Variants in SLC43A3 observed in about 807,000 individuals in gnomAD.
The protein encoded by SLC43A3 is solute carrier family 43 member 3, also known as equilibrative nucleobase transporter 1.
In SLC43A3, 33 loss-of-function variants were observed where a neutral mutation model predicts 53.3. The ratio of observed to expected loss-of-function variants is 0.62; its 90% CI spans 0.47 to 0.83. The LOEUF (loss-of-function observed/expected upper bound fraction) is 0.83, where lower values mean the gene tolerates loss of function less well. Among genes scored for constraint, SLC43A3 ranks in the 40% least tolerant of loss-of-function variants. The pLI is 0.00. For missense variants in SLC43A3, 530 were observed against 610.0 expected (o/e 0.87, Z 1.38); for synonymous variants, 236 against 246.2 (o/e 0.96, Z 0.39).
chr11:57,419,705 A>C (rs1942896889), intron 7 of SLC43A3, among the ~76,000 whole-genome samples: 1 of 152,014 alleles, frequency 6.6e-6, no homozygotes, highest in South Asian at 2.1e-4. Flanking sequence ...CTGAGGCAGG[A>C]GAATTGCTTA....
At chr11:57,425,830 C>A in intron 3 of SLC43A3, 159 bp downstream of exon 3, 1 of 1,376,146 alleles carries the variant, frequency 7.3e-7, no homozygotes, top group Admixed American at 2.1e-5. Flanking sequence ...GAGCTGGTGC[C>A]TCCCTCCCAG....
chr11:57,410,442 C>G (rs1942398768), intron 11 of SLC43A3, among the ~76,000 whole-genome samples: 1 of 152,092 alleles, frequency 6.6e-6, no homozygotes, highest in African/African-American at 2.4e-5. Flanking sequence ...TGCCCCTCCC[C>G]ACCCTGAACA....
At chr11:57,414,819 T>A (rs528124504) in intron 10 of SLC43A3, 88 bp from the exon 11 acceptor site, 3 of 1,521,992 alleles carry the variant, frequency 2.0e-6, no homozygotes, top group Non-Finnish European at 2.7e-6. Flanking sequence ...CTTGTCTGCA[T>A]GTCCCTCCTC....
chr11:57,425,243 C>T (rs997128702), intron 4 of SLC43A3, among the ~76,000 whole-genome samples: 1 of 152,196 alleles, frequency 6.6e-6, no homozygotes, highest in Non-Finnish European at 1.5e-5. Flanking sequence ...GGCTCCAAGC[C>T]AGCCCTTACA....
At chr11:57,411,337 AC>A (rs1250047463) in intron 11 of SLC43A3, among the ~76,000 whole-genome samples, 4 of 152,038 alleles carry the variant, frequency 2.6e-5, no homozygotes, top group African/African-American at 9.7e-5. Context: ...CAAATTAGTG[AC>A]CCTTAAAATC....
intron 7 of SLC43A3, 57 bp from the exon 8 acceptor site, chr11:57,417,944 C>G: frequency 6.4e-7 from 1 of 1,554,636 alleles, no homozygotes; most frequent in East Asian, 2.3e-5. Context: ...CAGCACTATT[C>G]ACAATAGCCA....
At chr11:57,421,855 CTGAG>C (rs1426195767) in intron 5 of SLC43A3, among the ~76,000 whole-genome samples, 1 of 152,228 alleles carries the variant, frequency 6.6e-6, no homozygotes, top group Non-Finnish European at 1.5e-5. Flanking sequence ...GCTATGAGAA[CTGAG>C]TGAGAAAAGG....
At chr11:57,409,714 GA>G (rs1207632650) in intron 12 of SLC43A3, among the ~76,000 whole-genome samples, 6 of 152,246 alleles carry the variant, frequency 3.9e-5, no homozygotes, top group African/African-American at 1.4e-4. Flanking sequence ...TCACCAGGTA[GA>G]AAACAGAGGG....
At chr11:57,419,175 T>C (rs1297533581) in intron 7 of SLC43A3, among the ~76,000 whole-genome samples, 1 of 151,856 alleles carries the variant, frequency 6.6e-6, no homozygotes, top group Non-Finnish European at 1.5e-5. Context: ...GTGCCTTTTT[T>C]CCCCCAACGA....
At position 57,407,665 on chromosome 11, in the gene SLC43A3, TTGTGTG is replaced by T. The variant is rs3832767; in HGVS notation, c.*121_*126del. ...GCAGACGTCCTTGTGTGTCTTTATT[TTGTGTG>T]TGTGTGTGTGTGTGTGTGTGTTTTG... On this transcript the variant is annotated 3_prime_UTR_variant, in exon 14 of 14. Transcript: ENST00000395124. 5.4e-4 allele frequency: 308 copies of T among 566,104 alleles called. No homozygotes were observed. Among genetic ancestry groups the T allele is most frequent in the African/African-American group, 1.1e-3 (59 of 52,672 alleles). The allele number at this position is 566,104 out of a possible 1,614,324, so 35.1% of individuals were successfully genotyped here. A position where few individuals can be genotyped will look rare whatever the true frequency, so the allele number is the denominator to read the frequency against.
chr11:57,422,489 C>T (rs1943032880), intron 5 of SLC43A3, among the ~76,000 whole-genome samples: 2 of 152,176 alleles, frequency 1.3e-5, no homozygotes, highest in South Asian at 4.1e-4. Flanking sequence ...ACGTAGTATG[C>T]GTGTGCCCCT....
chr11:57,419,503 G>C (rs1409196331), intron 7 of SLC43A3, among the ~76,000 whole-genome samples: 1 of 152,080 alleles, frequency 6.6e-6, no homozygotes, highest in East Asian at 1.9e-4. Context: ...CAACTCTAGA[G>C]AGACAGGAGA....
At position 57,415,017 on chromosome 11, in the gene SLC43A3, A is replaced by C. The variant is rs750684660; in HGVS notation, c.859T>G (p.Ser287Ala). ...AGGTAGTGCCACAACTGTATCACAG[A>C]CAGCCACACCAGGTGCCAGGCAAAG... ...RRFAWHLVWL[S>A]VIQLWHYLFI... Residue 287 changes from serine to alanine, a missense_variant, in exon 10 of 14, where the codon TCT becomes GCT. By Grantham distance (99) the Ser-to-Ala change is moderately conservative. Coordinates refer to ENST00000395124, the MANE Select transcript of SLC43A3 (RefSeq NM_199329.3). 6.2e-7 allele frequency: 1 copy of C among 1,614,206 alleles called. No homozygotes were observed. The highest frequency in any genetic ancestry group is 1.1e-5 in the South Asian group (1 of 91,082).
At chr11:57,410,198 G>C in intron 11 of SLC43A3, 77 bp from the exon 12 acceptor site, 4 of 1,204,664 alleles carry the variant, frequency 3.3e-6, no homozygotes, top group Non-Finnish European at 4.5e-6. Flanking sequence ...AGGAAGATTG[G>C]AAAAAGGGGA....
In SLC43A3 at chr11:57,426,256, T is replaced by C. The variant is rs1178690513; in HGVS notation, c.-84A>G. 1.5e-6 allele frequency: 2 copies of C among 1,378,858 alleles called. No individual in the cohort carries two copies. The highest frequency in any genetic ancestry group is 2.0e-6 in the Non-Finnish European group (2 of 1,001,914). 85.4% of individuals were successfully genotyped at this position (1,378,858 alleles called of 1,614,324 possible). A position where few individuals can be genotyped will look rare whatever the true frequency, so the allele number is the denominator to read the frequency against. Reference sequence around the variant, plus strand: ...GCCGTAAGCCTGGCGTTTGAGCACTTGGAAAATTCCTCTGGCAAGCCAAGC... The same window carrying C: ...GCCGTAAGCCTGGCGTTTGAGCACTCGGAAAATTCCTCTGGCAAGCCAAGC... On this transcript the variant is annotated 5_prime_UTR_variant, in exon 3 of 14. Transcript: ENST00000395124.
chr11:57,424,091 A>G, intron 4 of SLC43A3, 63 bp from the exon 5 acceptor site: 1 of 1,520,860 alleles, frequency 6.6e-7, no homozygotes, highest in East Asian at 2.3e-5. Context: ...GAGAAAAAAC[A>G]TGATTCTGCT....
At chr11:57,424,916 C>T (rs1422534439) in intron 4 of SLC43A3, among the ~76,000 whole-genome samples, 1 of 152,204 alleles carries the variant, frequency 6.6e-6, no homozygotes, top group Non-Finnish European at 1.5e-5. Context: ...CCACAGAGCA[C>T]GAGATTAGGA....
intron 9 of SLC43A3, 133 bp downstream of exon 9, chr11:57,416,440 T>C (rs1005622762): frequency 1.4e-5 from 9 of 655,184 alleles, no homozygotes; most frequent in Admixed American, 2.6e-5. Flanking sequence ...GTTGGGAAGA[T>C]GCCTAAGGCC....
intron 11 of SLC43A3, among the ~76,000 whole-genome samples, chr11:57,410,981 G>C (rs896442035): frequency 6.6e-6 from 1 of 152,258 alleles, no homozygotes; most frequent in South Asian, 2.1e-4. Context: ...CCAGCCATGT[G>C]GAACTGTAAG....
Sources: allele counts gnomAD v4.1 joint callset (sites outside exome capture counted in the v4.1 genomes callset), GRCh38; gene constraint gnomAD v4.1.1; transcripts MANE v1.5; gene names NCBI Gene and HGNC (gene_info 2026-07-23, HGNC 2026-07-21).